TSHZ2: variants seen among roughly 807,000 people sequenced by gnomAD.
TSHZ2 encodes the protein teashirt homolog 2.
TSHZ2 carries 21 observed loss-of-function variants against 74.4 expected under a neutral mutation model. The ratio of observed to expected loss-of-function variants is 0.28; its 90% CI spans 0.20 to 0.41. The LOEUF (loss-of-function observed/expected upper bound fraction) is 0.41. Ranked by LOEUF, TSHZ2 falls within the 10% of genes least tolerant of loss-of-function variation. The pLI, the probability that TSHZ2 is intolerant of heterozygous loss-of-function variation, is 1.00. For synonymous variants in TSHZ2, 540 were observed against 515.3 expected (o/e 1.05, Z -0.65); for missense variants, 1,244 against 1,293.5 (o/e 0.96, Z 0.59).
rs556174826 is a variant in TSHZ2, at chr20:53,195,488, ACTC to A, written c.41-58004_41-58002del. 6.6e-5 allele frequency among the ~76,000 whole-genome samples: 10 copies of A among 152,122 alleles called. No homozygotes were observed. In the South Asian group the frequency reaches 8.3e-4, roughly 13 times the overall value. The stretch of plus-strand genomic sequence containing the variant: ...TCATCTAAACTGTGTTTTCATAAGA[ACTC>A]CTCCTCAGATGGTGCTTGAGGGGCT... On this transcript the variant is annotated intron_variant, in intron 1 of 2. Transcript: ENST00000371497.
At chr20:53,021,323 C>G (rs1209740538) in intron 1 of TSHZ2, among the ~76,000 whole-genome samples, 4 of 152,222 alleles carry the variant, frequency 2.6e-5, no homozygotes, top group Middle Eastern at 3.4e-3. Context: ...CAGACCCCAC[C>G]CCAGACCTAC....
intron 1 of TSHZ2, among the ~76,000 whole-genome samples, chr20:53,078,058 G>A (rs2123220876): frequency 6.6e-6 from 1 of 152,348 alleles, no homozygotes; most frequent in Admixed American, 6.5e-5. Flanking sequence ...TTGCATGACT[G>A]TTTCTGAGAG....
chr20:53,431,132 C>T (rs1039242966), intron 2 of TSHZ2, among the ~76,000 whole-genome samples: 4 of 152,026 alleles, frequency 2.6e-5, no homozygotes, highest in African/African-American at 9.7e-5. Context: ...ATGAAGCTGT[C>T]ACTCCCTGTA....
At chr20:53,101,616 A>G (rs1181951535) in intron 1 of TSHZ2, among the ~76,000 whole-genome samples, 2 of 152,254 alleles carry the variant, frequency 1.3e-5, no homozygotes, top group African/African-American at 2.4e-5. Flanking sequence ...TGGGTTCTCT[A>G]GCACATCTCA....
At chr20:53,033,505 G>A (rs1983711656) in intron 1 of TSHZ2, among the ~76,000 whole-genome samples, 2 of 152,046 alleles carry the variant, frequency 1.3e-5, no homozygotes, top group African/African-American at 2.4e-5. Context: ...AGCATGATCC[G>A]CCTTCTAACG....
At chr20:53,327,053 G>A (rs1426422918) in intron 2 of TSHZ2, among the ~76,000 whole-genome samples, 1 of 152,234 alleles carries the variant, frequency 6.6e-6, no homozygotes, top group African/African-American at 2.4e-5. Flanking sequence ...GCATGCAGCA[G>A]GATGTGTATA....
chr20:53,131,819 ACC>A (rs34289663), intron 1 of TSHZ2, among the ~76,000 whole-genome samples: 20,208 of 92,248 alleles, frequency 0.22, 2,350 homozygotes, highest in Non-Finnish European at 0.24. Context: ...TTGAATGACA[ACC>A]CCCCCCCCCC....
At chr20:53,106,707 G>GT (rs796905956) in intron 1 of TSHZ2, among the ~76,000 whole-genome samples, 5,974 of 110,222 alleles carry the variant, frequency 0.054, 304 homozygotes, top group African/African-American at 0.16. Flanking sequence ...ATTTTTTTTT[G>GT]TTTTTTTTTT....
chr20:52,997,266 G>GC (rs1015745814), intron 1 of TSHZ2, among the ~76,000 whole-genome samples: 3 of 150,892 alleles, frequency 2.0e-5, no homozygotes, highest in Non-Finnish European at 4.4e-5. Context: ...CCCCGGGGGG[G>GC]GGTTCAGCAC....
intron 1 of TSHZ2, among the ~76,000 whole-genome samples, chr20:53,136,446 T>C (rs191219722): frequency 1.3e-5 from 2 of 152,144 alleles, no homozygotes; most frequent in African/African-American, 4.8e-5. Flanking sequence ...CTGGGAATAA[T>C]AACTCCTTCC....
intron 1 of TSHZ2, among the ~76,000 whole-genome samples, chr20:53,005,727 A>C (rs1002297707): frequency 6.6e-6 from 1 of 152,314 alleles, no homozygotes. Context: ...TTGTGTATAT[A>C]GCCCCTCTCT....
intron 2 of TSHZ2, among the ~76,000 whole-genome samples, chr20:53,480,284 G>T (rs1986115275): frequency 6.6e-6 from 1 of 151,780 alleles, no homozygotes; most frequent in Non-Finnish European, 1.5e-5. Context: ...GGCCAGGCTG[G>T]TCTTTAACTC....
At chr20:53,369,427 C>T (rs1249427272) in intron 2 of TSHZ2, among the ~76,000 whole-genome samples, 3 of 151,960 alleles carry the variant, frequency 2.0e-5, no homozygotes, top group Non-Finnish European at 2.9e-5. Context: ...CCTGAGGAGG[C>T]CGAGCGCTGT....
chr20:53,090,131 A>G (rs1985832961), intron 1 of TSHZ2, among the ~76,000 whole-genome samples: 2 of 152,358 alleles, frequency 1.3e-5, no homozygotes, highest in Admixed American at 1.3e-4. Flanking sequence ...GTTTGAGAGC[A>G]GGAAGCATCC....
At chr20:53,380,525 A>G (rs1981819599) in intron 2 of TSHZ2, among the ~76,000 whole-genome samples, 1 of 152,226 alleles carries the variant, frequency 6.6e-6, no homozygotes, top group Admixed American at 6.5e-5. Context: ...ACACTGTTCT[A>G]TAGCACAGCT....
Position 53,255,827 on chromosome 20 carries a change from A to C in TSHZ2, c.2369A>C (p.His790Pro). Residue 790 changes from histidine (H) to proline (P), a missense_variant, in exon 2 of 3, where the codon CAC becomes CCC. Physicochemically the swap from His to Pro is moderately conservative, Grantham distance 77. Transcript: ENST00000371497. This position sits in a 1 kb window ranked among gnomAD's most constrained non-coding sequence, Gnocchi z 4.1. ...AQSCMSPPQK[H>P]ALSDIADMVK... ...TCTTGTATGTCCCCACCTCAGAAGCACGCTCTGTCTGACATCGCCGACATG... is the reference window on the plus strand; with the variant it reads ...TCTTGTATGTCCCCACCTCAGAAGCCCGCTCTGTCTGACATCGCCGACATG... 6.2e-7 allele frequency: 1 copy of C among 1,613,022 alleles called. No homozygotes were observed. The highest frequency in any genetic ancestry group is 1.1e-5 in the South Asian group (1 of 90,854).
chr20:53,464,813 C>A (rs1371717901), intron 2 of TSHZ2, among the ~76,000 whole-genome samples: 1 of 152,014 alleles, frequency 6.6e-6, no homozygotes, highest in Non-Finnish European at 1.5e-5. Context: ...GTGGCCCAGT[C>A]TGGAGGGCAA....
At chr20:53,234,680 C>G (rs563382975) in intron 1 of TSHZ2, among the ~76,000 whole-genome samples, 2 of 152,100 alleles carry the variant, frequency 1.3e-5, no homozygotes, top group Non-Finnish European at 1.5e-5. Flanking sequence ...GAGACAGCAG[C>G]CAGCGCAAAG....
chr20:53,242,070 A>C (rs1329865417), intron 1 of TSHZ2, among the ~76,000 whole-genome samples: 1 of 152,210 alleles, frequency 6.6e-6, no homozygotes, highest in Admixed American at 6.5e-5. Flanking sequence ...TAGAAAGAGC[A>C]TGAATGTCAC....
Sources: allele counts gnomAD v4.1 joint callset (sites outside exome capture counted in the v4.1 genomes callset), GRCh38; gene constraint gnomAD v4.1.1; non-coding constraint Gnocchi (gnomAD v3.1); transcripts MANE v1.5; gene names NCBI Gene and HGNC (gene_info 2026-07-23, HGNC 2026-07-21).